NRXN3: variants seen among roughly 807,000 people sequenced by gnomAD.
NRXN3 encodes neurexin III.
In NRXN3, 32 loss-of-function variants were observed where a neutral mutation model predicts 137.6. That is an observed-to-expected ratio of 0.23 (90% confidence interval 0.18 to 0.31). The LOEUF (loss-of-function observed/expected upper bound fraction) is 0.31, where lower values mean the gene tolerates loss of function less well. Among genes scored for constraint, NRXN3 ranks in the 10% least tolerant of loss-of-function variants. The pLI is 1.00. For missense variants in NRXN3, 1,574 were observed against 2,062.5 expected, an observed-to-expected ratio of 0.76 and a Z score of 4.59; for synonymous variants, 798 against 784.5, an observed-to-expected ratio of 1.02 and a Z score of -0.29.
chr14:79,095,579 A>G (rs926989831), intron 15 of NRXN3, among the ~76,000 whole-genome samples: 2 of 151,838 alleles, frequency 1.3e-5, no homozygotes, highest in Admixed American at 1.3e-4. Context: ...TTACCAGGCA[A>G]TGCTTTAGGT....
At chr14:79,436,686 C>T (rs2095850764) in intron 15 of NRXN3, among the ~76,000 whole-genome samples, 1 of 152,102 alleles carries the variant, frequency 6.6e-6, no homozygotes, top group South Asian at 2.1e-4. Context: ...AGGCAGCATC[C>T]TAGGGAAAAG....
At chr14:78,781,540 C>T (rs2098769560) in intron 8 of NRXN3, among the ~76,000 whole-genome samples, 1 of 152,180 alleles carries the variant, frequency 6.6e-6, no homozygotes, top group African/African-American at 2.4e-5. Context: ...TCACAAAGTT[C>T]TTACACTCCC....
chr14:79,328,547 G>T (rs1183095254), intron 15 of NRXN3, among the ~76,000 whole-genome samples: 1 of 152,124 alleles, frequency 6.6e-6, no homozygotes, highest in African/African-American at 2.4e-5. Context: ...AAAACATAAA[G>T]CTCTTTTTCC....
intron 16 of NRXN3, among the ~76,000 whole-genome samples, chr14:79,539,545 C>G (rs1302836843): frequency 6.6e-6 from 1 of 152,124 alleles, no homozygotes; most frequent in East Asian, 1.9e-4. Context: ...ATTTATTTTT[C>G]TCTCAGATTC....
chr14:79,748,268 G>A (rs181833275), intron 19 of NRXN3, among the ~76,000 whole-genome samples: 66 of 152,120 alleles, frequency 4.3e-4, no homozygotes, highest in Admixed American at 2.2e-3. Context: ...AAAAAAAAGC[G>A]CCTCTTAAAG....
intron 15 of NRXN3, among the ~76,000 whole-genome samples, chr14:79,096,005 T>C (rs1372384585): frequency 6.6e-6 from 1 of 152,190 alleles, no homozygotes; most frequent in Non-Finnish European, 1.5e-5. Flanking sequence ...CCAGTTGTGA[T>C]ATTCCCAGTT....
At chr14:78,652,797 C>CT (rs1416719580) in intron 6 of NRXN3, among the ~76,000 whole-genome samples, 1 of 152,172 alleles carries the variant, frequency 6.6e-6, no homozygotes, top group East Asian at 1.9e-4. Flanking sequence ...CATTGAGTAC[C>CT]TTTTTTGTGC....
At chr14:78,515,527 G>A (rs2096190671) in intron 4 of NRXN3, among the ~76,000 whole-genome samples, 1 of 152,068 alleles carries the variant, frequency 6.6e-6, no homozygotes, top group South Asian at 2.1e-4. Context: ...TTAAATAATG[G>A]CAGCCTAAAA....
chr14:78,617,944 A>G (rs2152491243), intron 4 of NRXN3, among the ~76,000 whole-genome samples: 1 of 150,226 alleles, frequency 6.7e-6, no homozygotes, highest in South Asian at 2.1e-4. Context: ...CTTTTGCACC[A>G]ACTTTGTATC....
chr14:78,277,929 A>G (rs1288162871), intron 2 of NRXN3, among the ~76,000 whole-genome samples: 1 of 152,210 alleles, frequency 6.6e-6, no homozygotes, highest in Non-Finnish European at 1.5e-5. Context: ...AATTTCTGTC[A>G]TTAGTGTTAG....
chr14:78,292,726 G>C (rs137877321), intron 3 of NRXN3, among the ~76,000 whole-genome samples: 5 of 152,350 alleles, frequency 3.3e-5, no homozygotes, highest in African/African-American at 1.2e-4. Flanking sequence ...TTCAAAGCCA[G>C]AGCCGATGGT....
chr14:79,713,478 G>GTATATATATATATATATATATA (rs76633474), intron 19 of NRXN3, among the ~76,000 whole-genome samples: 2 of 135,370 alleles, frequency 1.5e-5, no homozygotes, highest in African/African-American at 5.4e-5. Context: ...TATATATAAT[G>GTATATATATATATATATATATA]TATATATATA....
At chr14:79,830,346 G>A (rs2099319200) in intron 20 of NRXN3, among the ~76,000 whole-genome samples, 1 of 152,110 alleles carries the variant, frequency 6.6e-6, no homozygotes. Flanking sequence ...TTTGAGAAGT[G>A]GACTTGACTC....
intron 15 of NRXN3, among the ~76,000 whole-genome samples, chr14:79,318,197 G>C (rs1210934179): frequency 6.6e-6 from 1 of 152,174 alleles, no homozygotes; most frequent in African/African-American, 2.4e-5. Context: ...AAATGGTCAA[G>C]CATTTTCAAG....
intron 17 of NRXN3, among the ~76,000 whole-genome samples, chr14:79,670,153 G>C (rs1218779549): frequency 6.6e-6 from 1 of 152,108 alleles, no homozygotes; most frequent in African/African-American, 2.4e-5. Flanking sequence ...TAGGTTAGAG[G>C]CTAGTATTAG....
intron 15 of NRXN3, among the ~76,000 whole-genome samples, chr14:79,230,948 T>G (rs979091862): frequency 1.3e-5 from 2 of 152,150 alleles, no homozygotes; most frequent in Non-Finnish European, 2.9e-5. Context: ...TGAGAATGCT[T>G]CAGAAGCTAT....
At chr14:79,785,915 T>C (rs547792792) in intron 19 of NRXN3, among the ~76,000 whole-genome samples, 32 of 151,660 alleles carry the variant, frequency 2.1e-4, no homozygotes, top group African/African-American at 7.7e-4. Flanking sequence ...TGATACTAGA[T>C]GGTAAATAAC....
intron 15 of NRXN3, among the ~76,000 whole-genome samples, chr14:79,131,652 A>C (rs1568381104): frequency 6.6e-6 from 1 of 152,226 alleles, no homozygotes; most frequent in Non-Finnish European, 1.5e-5. Context: ...CCCTGCCCCC[A>C]GAGGTGGAGC....
At chr14:78,802,893 C>T (rs745658393) in intron 8 of NRXN3, among the ~76,000 whole-genome samples, 16 of 152,162 alleles carry the variant, frequency 1.1e-4, no homozygotes, top group Middle Eastern at 3.4e-3. Context: ...CTGCAGTGAG[C>T]GAAGATCACA....
Sources: gnomAD v4.1 joint callset for allele counts (sites outside exome capture counted in the v4.1 genomes callset) on GRCh38, gnomAD v4.1.1 for gene constraint, MANE v1.5 for transcripts, NCBI Gene and HGNC (gene_info 2026-07-23, HGNC 2026-07-21) for gene names.